SVOPL: variants seen among roughly 807,000 people sequenced by gnomAD.
SVOPL encodes the protein SVOP like, also known as putative transporter SVOPL.
SVOPL carries 60 observed loss-of-function variants against 61.0 expected under a neutral mutation model. The ratio of observed to expected loss-of-function variants is 0.98; its 90% CI spans 0.80 to 1.22. The LOEUF (loss-of-function observed/expected upper bound fraction) is 1.22. Ranked by LOEUF, SVOPL falls within the 50% of genes most tolerant of loss-of-function variation. SVOPL has a pLI of 0.00. For missense variants in SVOPL, 662 were observed against 643.9 expected, an observed-to-expected ratio of 1.03 and a Z score of -0.30; for synonymous variants, 279 against 250.0, an observed-to-expected ratio of 1.12 and a Z score of -1.09.
chr7:138,601,146 G>A (rs1798501722), intron 14 of SVOPL, among the ~76,000 whole-genome samples: 3 of 152,006 alleles, frequency 2.0e-5, no homozygotes, highest in Admixed American at 6.5e-5. Context: ...CAGCTACTTG[G>A]GAGGCTGAGG....
At chr7:138,696,091 T>G (rs988626858) in intron 1 of SVOPL, among the ~76,000 whole-genome samples, 1 of 152,164 alleles carries the variant, frequency 6.6e-6, no homozygotes, top group Non-Finnish European at 1.5e-5. Flanking sequence ...CTAGTTTGAA[T>G]TTTTAGAAAG....
chr7:138,660,517 G>T (rs147088782), intron 5 of SVOPL: 10 of 985,864 alleles, frequency 1.0e-5, no homozygotes, highest in African/African-American at 8.7e-5. Flanking sequence ...AGTGTTAATG[G>T]CTGGCTATAA....
In SVOPL at chr7:138,680,255, C is replaced by T. The variant is rs142282928; in HGVS notation, c.-34-1176G>A. Among the ~76,000 whole-genome samples, 926 of 148,828 alleles carry T rather than the reference C, an allele frequency of 6.2e-3. 6 individuals carry two copies. The highest frequency in any genetic ancestry group is 0.011 in the Non-Finnish European group (738 of 66,968). On this transcript the variant is annotated intron_variant, in intron 1 of 15. Transcript: ENST00000674285. ...CACGATCTCGGCTCACTGCAACCTC[C>T]GCCTACTGGTTCAAGAAATTCTCCT...
chr7:138,689,082 GTCA>G, intron 1 of SVOPL: 1 of 739,008 alleles, frequency 1.4e-6, no homozygotes. Flanking sequence ...CACTTCCCAG[GTCA>G]TCAAGGGTAT....
chr7:138,696,236 C>G (rs536636949), intron 1 of SVOPL, among the ~76,000 whole-genome samples: 2 of 150,898 alleles, frequency 1.3e-5, no homozygotes, highest in Non-Finnish European at 3.0e-5. Context: ...TTTCTTTTTT[C>G]TTTTTTTGAG....
rs1179498296 is a variant in SVOPL, at chr7:138,595,260, A to C, written c.1468-639T>G. ...CCATGTTCTTATAAACATTTCTAGA[A>C]GCTGTATTGGTGTCAGTCAGGTGGT... On this transcript the variant is annotated intron_variant, in intron 15 of 15. Coordinates refer to ENST00000674285, the MANE Select transcript of SVOPL (RefSeq NM_001139456.2). Among the ~76,000 whole-genome samples the C allele has an allele frequency of 2.0e-5, 3 of 152,170 alleles. No homozygotes were observed. The East Asian group carries it at 5.8e-4, about 29-fold the overall frequency.
At position 138,635,118 on chromosome 7, in the gene SVOPL, C is replaced by G. The variant is rs1186930750; in HGVS notation, c.790-4996G>C. 2.0e-5 allele frequency among the ~76,000 whole-genome samples: 3 copies of G among 151,690 alleles called. No homozygotes were observed. The East Asian group carries it at 5.8e-4, about 30-fold the overall frequency. ...AGAAACCCCATCTCTACTAAAAACA[C>G]AAAATTAGCTGGGTGTGGTGGCACA... is the stretch of plus-strand genomic sequence containing the variant. On this transcript the variant is annotated intron_variant, in intron 9 of 15. Coordinates refer to ENST00000674285, the MANE Select transcript of SVOPL (RefSeq NM_001139456.2).
chr7:138,668,539 C>T lies in SVOPL; in HGVS notation c.273+3480G>A, dbSNP rs74591191. Among the ~76,000 whole-genome samples, 459 of 152,232 alleles carry T rather than the reference C, an allele frequency of 3.0e-3. 3 individuals carry two copies. Among genetic ancestry groups the T allele is most frequent in the Middle Eastern group, 0.017 (5 of 294 alleles). ...AAATCAGGGCAGATTTTTAGATGTG[C>T]TGCTGTGATTGGGCATACAACTGGA... On this transcript the variant is annotated intron_variant, in intron 4 of 15. Coordinates refer to ENST00000674285, the MANE Select transcript of SVOPL (RefSeq NM_001139456.2).
intron 9 of SVOPL, among the ~76,000 whole-genome samples, chr7:138,633,435 G>A (rs985593069): frequency 9.2e-5 from 14 of 151,986 alleles, no homozygotes; most frequent in African/African-American, 3.1e-4. Flanking sequence ...AAAGAGCCTC[G>A]CACCTCTCTC....
At chr7:138,624,785 A>G (rs938443795) in intron 13 of SVOPL, among the ~76,000 whole-genome samples, 2 of 151,396 alleles carry the variant, frequency 1.3e-5, no homozygotes, top group South Asian at 4.2e-4. Flanking sequence ...GCAGCCTCCA[A>G]CTCCTGCACT....
intron 9 of SVOPL, among the ~76,000 whole-genome samples, chr7:138,637,669 C>T (rs998765968): frequency 6.6e-6 from 1 of 152,000 alleles, no homozygotes; most frequent in Admixed American, 6.6e-5. Flanking sequence ...AAAACCAAAT[C>T]GGCCAGACGT....
chr7:138,639,487 C>T lies in SVOPL; in HGVS notation c.789+5230G>A, dbSNP rs78093958. Reference sequence around the variant, plus strand: ...ATTAAAAAAACGAAAGTTATTTGGGCGTGGTGGCGGGTGCCTGTAATCCCA... The same window carrying T: ...ATTAAAAAAACGAAAGTTATTTGGGTGTGGTGGCGGGTGCCTGTAATCCCA... On this transcript the variant is annotated intron_variant, in intron 9 of 15. Transcript: ENST00000674285. Among the ~76,000 whole-genome samples, 1,138 of 151,590 alleles carry T rather than the reference C, an allele frequency of 7.5e-3. 17 individuals carry two copies. Among genetic ancestry groups the T allele is most frequent in the African/African-American group, 0.026 (1,087 of 41,320 alleles).
At chr7:138,648,533 C>CAAAAA (rs61171485) in intron 8 of SVOPL, among the ~76,000 whole-genome samples, 1 of 73,778 alleles carries the variant, frequency 1.4e-5, no homozygotes, top group Non-Finnish European at 3.1e-5. Flanking sequence ...ACTAAAAATC[C>CAAAAA]AAAAAAAAAA....
intron 1 of SVOPL, among the ~76,000 whole-genome samples, chr7:138,693,474 AAGAG>A (rs1448813256): frequency 6.8e-6 from 1 of 148,004 alleles, no homozygotes; most frequent in African/African-American, 2.5e-5. Context: ...AGAAAGAAAG[AAGAG>A]AGAGAAAGAG....
intron 1 of SVOPL, among the ~76,000 whole-genome samples, chr7:138,687,559 A>G (rs1802847538): frequency 6.7e-6 from 1 of 150,126 alleles, no homozygotes; most frequent in Admixed American, 6.7e-5. Flanking sequence ...ATTTTAATTT[A>G]ATTTTTATTT....
chr7:138,689,447 T>G, intron 1 of SVOPL: 2 of 1,146,644 alleles, frequency 1.7e-6, no homozygotes, highest in East Asian at 2.4e-5. Flanking sequence ...AGGAACAGAT[T>G]GTTCCTAAAC....
At position 138,659,986 on chromosome 7, in the gene SVOPL, A is replaced by G; in HGVS notation, c.348T>C (p.Ile116=). 6.4e-7 allele frequency: 1 copy of G among 1,551,520 alleles called. No individual in the cohort carries two copies. Among genetic ancestry groups the G allele is most frequent in the Non-Finnish European group, 8.7e-7 (1 of 1,146,938 alleles). Residue 116 remains isoleucine, a splice_region_variant and synonymous_variant, in exon 6 of 16, where the codon ATT becomes ATC. Coordinates refer to ENST00000674285, the MANE Select transcript of SVOPL (RefSeq NM_001139456.2). ...CTCCCCACAGGAACGAGATGAGCAG[A>G]ATCTGAAGCAACAGCAGAACACATG... ...LLADRYGRWK[I]LLISFLWGAY... is the part of the protein sequence containing the mutation.
intron 7 of SVOPL, among the ~76,000 whole-genome samples, chr7:138,649,437 G>T (rs1801310851): frequency 6.6e-6 from 1 of 151,966 alleles, no homozygotes; most frequent in Non-Finnish European, 1.5e-5. Flanking sequence ...GGGATTATAG[G>T]CATGTGCCAC....
chr7:138,606,970 A>C (rs1563083926), intron 14 of SVOPL, among the ~76,000 whole-genome samples: 1 of 149,786 alleles, frequency 6.7e-6, no homozygotes, highest in Non-Finnish European at 1.5e-5. Context: ...ACAAAACAAA[A>C]CAAAAAAAGA....
Sources: gnomAD v4.1 joint callset for allele counts (sites outside exome capture counted in the v4.1 genomes callset) on GRCh38, gnomAD v4.1.1 for gene constraint, MANE v1.5 for transcripts, NCBI Gene and HGNC (gene_info 2026-07-23, HGNC 2026-07-21) for gene names.